DBF4B: variants seen among roughly 807,000 people sequenced by gnomAD.
The protein encoded by DBF4B is protein DBF4 homolog B.
Under a neutral mutation model 53.4 loss-of-function variants are expected in DBF4B, and 49 were observed. The observed-to-expected ratio is 0.92, with a 90% CI of 0.73 to 1.16. DBF4B has a LOEUF of 1.16. DBF4B is among the 50% of genes most tolerant of loss of function. The probability of loss-of-function intolerance (pLI) is 0.00; values close to 1 mark genes in which losing one functional copy is unlikely to be tolerated. For missense variants in DBF4B, 692 were observed against 775.0 expected (o/e 0.89, Z 1.27); for synonymous variants, 257 against 288.7 (o/e 0.89, Z 1.11).
chr17:44,749,968 C>T lies in DBF4B; in HGVS notation c.1190-627C>T, dbSNP rs2049237504. 4 of 1,005,810 alleles carry T rather than the reference C, an allele frequency of 4.0e-6. No homozygotes were observed. Among genetic ancestry groups the T allele is most frequent in the South Asian group, 4.2e-5 (1 of 23,544 alleles). The allele number at this position is 1,005,810 out of a possible 1,614,324, so 62.3% of individuals were successfully genotyped here. A position where few individuals can be genotyped will look rare whatever the true frequency, so the allele number is the denominator to read the frequency against. On this transcript the variant is annotated intron_variant, in intron 13 of 13. Coordinates refer to ENST00000315005, the MANE Select transcript of DBF4B (RefSeq NM_145663.3). The surrounding 1 kb of genome is among the most constrained non-coding windows in gnomAD (Gnocchi z 4.4). Reference sequence around the variant, plus strand: ...CTTGGGCTGCACCACTCACAGAGCTCCCTCCCCCAGGCACTTAGTTGGGGC... The same window carrying T: ...CTTGGGCTGCACCACTCACAGAGCTTCCTCCCCCAGGCACTTAGTTGGGGC...
At chr17:44,722,742 G>T in intron 2 of DBF4B, 138 bp from the exon 3 acceptor site, 1 of 908,040 alleles carries the variant, frequency 1.1e-6, no homozygotes, top group Non-Finnish European at 1.7e-6. Flanking sequence ...TAAGGGCATT[G>T]GCTTCACAGC....
At chr17:44,747,635 C>T (rs2049142780) in intron 12 of DBF4B, 120 bp downstream of exon 12, 2 of 1,340,786 alleles carry the variant, frequency 1.5e-6, no homozygotes, top group African/African-American at 1.5e-5. Context: ...CCTCTTTTCT[C>T]ACCTTCCTTT....
chr17:44,743,383 A>G (rs1211481676), intron 10 of DBF4B, among the ~76,000 whole-genome samples: 1 of 152,222 alleles, frequency 6.6e-6, no homozygotes, highest in Non-Finnish European at 1.5e-5. Context: ...AAATTTTTAA[A>G]TTTAAAAAGT....
In DBF4B at chr17:44,736,961, T is replaced by C. The variant is rs1016922029; in HGVS notation, c.667+95T>C. On this transcript the variant is annotated intron_variant, in intron 8 of 13. Transcript: ENST00000315005. ...CTGTGGCAGCATCTGCTCACTTTTCTGTGGCAGCAAGCGAGTCCAGGTTAT... is the reference window on the plus strand; with the variant it reads ...CTGTGGCAGCATCTGCTCACTTTTCCGTGGCAGCAAGCGAGTCCAGGTTAT... 7 of 1,448,246 alleles carry C rather than the reference T, an allele frequency of 4.8e-6. No individual in the cohort carries two copies. The African/African-American group carries it at 8.5e-5, about 17-fold the overall frequency. 89.7% of individuals were successfully genotyped at this position (1,448,246 alleles called of 1,614,324 possible). A position where few individuals can be genotyped will look rare whatever the true frequency, so the allele number is the denominator to read the frequency against.
intron 12 of DBF4B, 45 bp from the exon 13 acceptor site, chr17:44,748,296 C>A: frequency 6.4e-7 from 1 of 1,551,858 alleles, no homozygotes; most frequent in Non-Finnish European, 8.7e-7. Flanking sequence ...CCCAGGCCTG[C>A]TGTGAAGTTG....
chr17:44,749,590 C>A lies in DBF4B; in HGVS notation c.1190-1005C>A. On this transcript the variant is annotated intron_variant, in intron 13 of 13. Transcript: ENST00000315005. The surrounding 1 kb of genome is among the most constrained non-coding windows in gnomAD (Gnocchi z 4.4). ...GGAGAGAATCTGGGCTGGGGGCTGC[C>A]CTCTCCTACCCCTGCCTCCTGCCAT... The A allele has an allele frequency of 8.4e-7, 1 of 1,194,120 alleles. No homozygotes were observed. The highest frequency in any genetic ancestry group is 1.5e-5 in the South Asian group (1 of 65,632). The allele number at this position is 1,194,120 out of a possible 1,614,324, so 74.0% of individuals were successfully genotyped here. A position where few individuals can be genotyped will look rare whatever the true frequency, so the allele number is the denominator to read the frequency against.
chr17:44,733,912 G>A, intron 6 of DBF4B, 178 bp from the exon 7 acceptor site: 1 of 602,848 alleles, frequency 1.7e-6, no homozygotes, highest in Non-Finnish European at 3.0e-6. Context: ...AGAGGACCCA[G>A]TCCTTAACCT....
At chr17:44,710,086 T>C (rs1486073559) in intron 2 of DBF4B, among the ~76,000 whole-genome samples, 16 of 151,820 alleles carry the variant, frequency 1.1e-4, no homozygotes, top group African/African-American at 7.3e-5. Context: ...GGCAGGAAAA[T>C]TGATTGAACC....
Position 44,723,038 on chromosome 17 carries a change from T to C in DBF4B, c.225+16T>C. 1.2e-6 allele frequency: 2 copies of C among 1,613,558 alleles called. No individual in the cohort carries two copies. Among genetic ancestry groups the C allele is most frequent in the Non-Finnish European group, 1.7e-6 (2 of 1,179,750 alleles). ...ACTGGGTGGGGTAGGTAACCTGCTC[T>C]TCTCCTGCGATGCCATGTGCCTTTG... is the stretch of plus-strand genomic sequence containing the variant. On this transcript the variant is annotated intron_variant, in intron 3 of 13. Coordinates refer to ENST00000315005, the MANE Select transcript of DBF4B (RefSeq NM_145663.3).
chr17:44,712,783 C>G (rs1234517277), intron 2 of DBF4B, among the ~76,000 whole-genome samples: 2 of 151,454 alleles, frequency 1.3e-5, no homozygotes, highest in Non-Finnish European at 2.9e-5. Context: ...CTGTGTTGCC[C>G]AGGCTGGTCT....
At chr17:44,729,403 A>C (rs143599574) in intron 3 of DBF4B, among the ~76,000 whole-genome samples, 1 of 151,854 alleles carries the variant, frequency 6.6e-6, no homozygotes, top group Non-Finnish European at 1.5e-5. Flanking sequence ...ACAGGATCTT[A>C]CTATGTTGCC....
At chr17:44,744,092 C>CA (rs1412546264) in intron 10 of DBF4B, among the ~76,000 whole-genome samples, 1 of 62,174 alleles carries the variant, frequency 1.6e-5, no homozygotes, top group East Asian at 7.4e-4. Context: ...CCCCCCCCCC[C>CA]CCCCGCCCAT....
At chr17:44,712,962 C>A (rs979386695) in intron 2 of DBF4B, among the ~76,000 whole-genome samples, 1 of 151,752 alleles carries the variant, frequency 6.6e-6, no homozygotes, top group Admixed American at 6.6e-5. Flanking sequence ...CACAAACGCA[C>A]ATGCATTTCC....
At chr17:44,746,250 A>G (rs1395501204) in intron 10 of DBF4B, among the ~76,000 whole-genome samples, 4 of 133,938 alleles carry the variant, frequency 3.0e-5, no homozygotes, top group Non-Finnish European at 6.3e-5. Flanking sequence ...AAAAAAAAAA[A>G]GAAGTCAGGT....
chr17:44,745,809 C>T (rs766353216), intron 10 of DBF4B, among the ~76,000 whole-genome samples: 1 of 152,062 alleles, frequency 6.6e-6, no homozygotes, highest in Non-Finnish European at 1.5e-5. Flanking sequence ...TTGTGTCATA[C>T]TTAGGAAGTC....
intron 3 of DBF4B, among the ~76,000 whole-genome samples, chr17:44,727,481 G>A (rs1974462990): frequency 6.6e-6 from 1 of 152,246 alleles, no homozygotes; most frequent in East Asian, 1.9e-4. Context: ...AATAACTGGG[G>A]AAACTGGATG....
intron 13 of DBF4B, chr17:44,750,262 A>G: frequency 9.5e-7 from 1 of 1,055,878 alleles, no homozygotes; most frequent in Non-Finnish European, 1.1e-6. Flanking sequence ...TTTTTCTTTC[A>G]TTACAATTTG....
At chr17:44,716,127 C>T (rs1330880026) in intron 2 of DBF4B, among the ~76,000 whole-genome samples, 1 of 151,836 alleles carries the variant, frequency 6.6e-6, no homozygotes, top group African/African-American at 2.4e-5. Flanking sequence ...CCCAGTCTAG[C>T]CTAATTTCTT....
chr17:44,725,116 C>CAAAAAA (rs57821218), intron 3 of DBF4B, among the ~76,000 whole-genome samples: 6 of 47,522 alleles, frequency 1.3e-4, no homozygotes, highest in Admixed American at 2.2e-4. Flanking sequence ...GACTCCATCT[C>CAAAAAA]AAAAAAAAAA....
Sources: gnomAD v4.1 joint callset for allele counts (sites outside exome capture counted in the v4.1 genomes callset) on GRCh38, gnomAD v4.1.1 for gene constraint, Gnocchi (gnomAD v3.1) non-coding constraint, MANE v1.5 for transcripts, NCBI Gene and HGNC (gene_info 2026-07-23, HGNC 2026-07-21) for gene names.